FBN1: variants seen among roughly 807,000 people sequenced by gnomAD.
The protein encoded by FBN1 is fibrillin-1.
In FBN1, 29 loss-of-function variants were observed where a neutral mutation model predicts 365.1. The ratio of observed to expected loss-of-function variants is 0.08; its 90% confidence interval spans 0.06 to 0.11. The LOEUF (loss-of-function observed/expected upper bound fraction) is 0.11, where lower values mean the gene tolerates loss of function less well. Ranked by LOEUF, FBN1 falls within the 10% of genes least tolerant of loss-of-function variation. The pLI is 1.00. For missense variants in FBN1, 2,476 were observed against 3,703.2 expected, an observed-to-expected ratio of 0.67 and a Z score of 8.60; for synonymous variants, 1,210 against 1,270.5, an observed-to-expected ratio of 0.95 and a Z score of 1.01.
At chr15:48,513,422 C>G (rs2043776216) in intron 13 of FBN1, 127 bp downstream of exon 13, 2 of 1,379,450 alleles carry the variant, frequency 1.4e-6, no homozygotes, top group African/African-American at 2.8e-5. Context: ...GAACTAAGTT[C>G]AAAAAAGCCA....
At chr15:48,577,337 A>G (rs999387989) in intron 6 of FBN1, among the ~76,000 whole-genome samples, 3 of 152,276 alleles carry the variant, frequency 2.0e-5, no homozygotes, top group Admixed American at 2.0e-4. Context: ...CCCCATGATA[A>G]AGGCATGAGG....
At chr15:48,601,674 A>G (rs1337727232) in intron 4 of FBN1, among the ~76,000 whole-genome samples, 2 of 152,228 alleles carry the variant, frequency 1.3e-5, no homozygotes, top group African/African-American at 4.8e-5. Flanking sequence ...AAAAGTGGCT[A>G]CTTGACTTCA....
At chr15:48,491,396 G>T (rs1219325072) in intron 24 of FBN1, among the ~76,000 whole-genome samples, 7 of 150,356 alleles carry the variant, frequency 4.7e-5, no homozygotes, top group Non-Finnish European at 7.4e-5. Flanking sequence ...TTTTGCCTAG[G>T]CCGGACTGCA....
At chr15:48,550,830 T>C (rs779828662) in intron 6 of FBN1, among the ~76,000 whole-genome samples, 4 of 152,162 alleles carry the variant, frequency 2.6e-5, no homozygotes, top group Non-Finnish European at 4.4e-5. Context: ...CCAAACTCCA[T>C]GGTAAACTCT....
At chr15:48,462,938 CT>C in intron 42 of FBN1, 143 bp downstream of exon 42, 2 of 800,804 alleles carry the variant, frequency 2.5e-6, no homozygotes, top group Non-Finnish European at 4.3e-6. Flanking sequence ...CCAGCACCAA[CT>C]GTGAATTTAA....
rs1555399978 is a variant in FBN1 at position 48,508,712 on chromosome 15, T to C, written c.1715-8A>G. The C allele has an allele frequency of 6.2e-7, 1 of 1,613,422 alleles. No individual in the cohort carries two copies. The highest frequency in any genetic ancestry group is 8.5e-7 in the Non-Finnish European group (1 of 1,179,560). On this transcript the variant is annotated splice_polypyrimidine_tract_variant and splice_region_variant and intron_variant, in intron 14 of 65. Transcript: ENST00000316623. ...TGCTGCATTCATCCATATCTGAAAA[T>C]ACAAAACATACATTTTCTTATGACC...
At chr15:48,431,562 A>G (rs145073191) in intron 55 of FBN1, among the ~76,000 whole-genome samples, 48 of 152,230 alleles carry the variant, frequency 3.2e-4, no homozygotes, top group Non-Finnish European at 4.3e-4. Flanking sequence ...GGCAATAATT[A>G]TAATAGTACT....
At chr15:48,411,922 C>A (rs2042866997) in intron 65 of FBN1, among the ~76,000 whole-genome samples, 1 of 152,258 alleles carries the variant, frequency 6.6e-6, no homozygotes, top group African/African-American at 2.4e-5. Context: ...ACCATCTTCT[C>A]CTAAGGACAC....
At chr15:48,525,213 A>G (rs1046442782) in intron 9 of FBN1, among the ~76,000 whole-genome samples, 1 of 151,676 alleles carries the variant, frequency 6.6e-6, no homozygotes, top group African/African-American at 2.4e-5. Flanking sequence ...CAGCCTCCTG[A>G]GTAGCTGGGA....
rs545968920 is a variant in FBN1 at position 48,599,098 on chromosome 15, G to C, written c.442+1041C>G. On this transcript the variant is annotated intron_variant, in intron 5 of 65. Transcript: ENST00000316623. ...AATAAACCTCTTTCTTTTATAAATTGGCCAGTCTTGGGTATGTCTTTATCA... is the reference window on the plus strand; with the variant it reads ...AATAAACCTCTTTCTTTTATAAATTCGCCAGTCTTGGGTATGTCTTTATCA... Among the ~76,000 whole-genome samples, 8 of 152,148 alleles carry C rather than the reference G, an allele frequency of 5.3e-5. No individual in the cohort carries two copies. In the East Asian group the frequency reaches 1.5e-3, roughly 29 times the overall value.
intron 50 of FBN1, among the ~76,000 whole-genome samples, chr15:48,439,547 A>C (rs1215304474): frequency 1.3e-5 from 2 of 152,214 alleles, no homozygotes; most frequent in Non-Finnish European, 2.9e-5. Flanking sequence ...TATGCCTCCA[A>C]CTACCTTTAG....
chr15:48,420,356 T>A (rs1389562359), intron 63 of FBN1, among the ~76,000 whole-genome samples: 1 of 152,176 alleles, frequency 6.6e-6, no homozygotes, highest in Non-Finnish European at 1.5e-5. Flanking sequence ...TTTTCAGTCA[T>A]AAGTAAGATT....
chr15:48,493,731 C>T (rs2043580179), intron 23 of FBN1, among the ~76,000 whole-genome samples: 1 of 152,088 alleles, frequency 6.6e-6, no homozygotes, highest in Non-Finnish European at 1.5e-5. Flanking sequence ...TCACCATGAC[C>T]TATGTCTATC....
intron 31 of FBN1, among the ~76,000 whole-genome samples, chr15:48,482,121 CATG>C (rs1168521181): frequency 3.9e-5 from 6 of 152,136 alleles, no homozygotes; most frequent in African/African-American, 1.4e-4. Flanking sequence ...ATTCAGTCTG[CATG>C]ATGATAACAA....
chr15:48,612,450 G>A (rs2044663795), intron 3 of FBN1, among the ~76,000 whole-genome samples: 1 of 152,218 alleles, frequency 6.6e-6, no homozygotes, highest in Non-Finnish European at 1.5e-5. Flanking sequence ...TCTGGCATGC[G>A]ATTTGTCACT....
At chr15:48,504,912 C>T in intron 16 of FBN1, 113 bp downstream of exon 16, 32 of 1,426,004 alleles carry the variant, frequency 2.2e-5, no homozygotes, top group Non-Finnish European at 3.1e-5. Context: ...TGTTGCTCTG[C>T]AAATATTCTT....
At chr15:48,556,955 T>A (rs2044186224) in intron 6 of FBN1, among the ~76,000 whole-genome samples, 1 of 152,208 alleles carries the variant, frequency 6.6e-6, no homozygotes, top group Admixed American at 6.5e-5. Flanking sequence ...ACGCGAAACA[T>A]CCTGAATCAC....
At chr15:48,623,652 C>A (rs888292972) in intron 2 of FBN1, among the ~76,000 whole-genome samples, 1 of 152,196 alleles carries the variant, frequency 6.6e-6, no homozygotes, top group Non-Finnish European at 1.5e-5. Context: ...CAGCCTCATG[C>A]GGCCAATTCC....
Position 48,425,433 on chromosome 15 carries a change from T to C in FBN1, c.7389A>G (p.Glu2463=). Residue 2463 remains glutamate, a synonymous_variant, in exon 60 of 66, where the codon GAA becomes GAG. Coordinates refer to ENST00000316623, the MANE Select transcript of FBN1 (RefSeq NM_000138.5). ...TCGGGCATGAACACTGGTAACTCCCTTCTGTGTTTTTGCAGATAAAATTGC... is the reference window on the plus strand; with the variant it reads ...TCGGGCATGAACACTGGTAACTCCCCTCTGTGTTTTTGCAGATAAAATTGC... ...KPCNFICKNT[E]GSYQCSCPKG... 1 of 1,614,142 alleles carries C rather than the reference T, an allele frequency of 6.2e-7. No individual in the cohort carries two copies. Among genetic ancestry groups the C allele is most frequent in the Non-Finnish European group, 8.5e-7 (1 of 1,179,974 alleles).
Sources: allele counts gnomAD v4.1 joint callset (sites outside exome capture counted in the v4.1 genomes callset), GRCh38; gene constraint gnomAD v4.1.1; transcripts MANE v1.5; gene names NCBI Gene and HGNC (gene_info 2026-07-23, HGNC 2026-07-21).